TEK: variants seen among roughly 807,000 people sequenced by gnomAD.
TEK encodes angiopoietin-1 receptor.
In TEK, 43 loss-of-function variants were observed where a neutral mutation model predicts 131.8. That is an observed-to-expected ratio of 0.33 (90% CI 0.26 to 0.42). TEK has a LOEUF of 0.42. Among genes scored for constraint, TEK ranks in the 10% least tolerant of loss-of-function variants. The pLI is 1.00. For synonymous variants in TEK, 580 were observed against 491.6 expected (o/e 1.18, Z -2.38); for missense variants, 1,162 against 1,384.4 (o/e 0.84, Z 2.55).
intron 18 of TEK, among the ~76,000 whole-genome samples, chr9:27,215,238 C>G (rs925029932): frequency 6.6e-6 from 1 of 152,128 alleles, no homozygotes; most frequent in African/African-American, 2.4e-5. Context: ...CCTATCAGGT[C>G]TCAACTCTAT....
At chr9:27,131,921 A>T (rs1822242465) in intron 1 of TEK, among the ~76,000 whole-genome samples, 1 of 152,138 alleles carries the variant, frequency 6.6e-6, no homozygotes, top group African/African-American at 2.4e-5. Flanking sequence ...CAAGGGTTAA[A>T]ATGTTCCTTT....
At chr9:27,218,730 G>C in intron 19 of TEK, 47 bp from the exon 20 acceptor site, 1 of 1,610,582 alleles carries the variant, frequency 6.2e-7, no homozygotes, top group Non-Finnish European at 8.5e-7. Context: ...AAAATGAGCG[G>C]TGACTCTGTT....
intron 6 of TEK, 92 bp from the exon 7 acceptor site, chr9:27,180,148 G>A: frequency 6.4e-7 from 1 of 1,572,722 alleles, no homozygotes; most frequent in Admixed American, 1.7e-5. Flanking sequence ...AAAGTTGATG[G>A]CTTAGAGAGA....
chr9:27,170,820 C>T (rs756281187), intron 4 of TEK, among the ~76,000 whole-genome samples: 3 of 152,138 alleles, frequency 2.0e-5, no homozygotes, highest in Non-Finnish European at 4.4e-5. Flanking sequence ...TATTAGATGT[C>T]TATCAGCCTA....
chr9:27,142,756 G>T (rs1255012767), intron 1 of TEK, among the ~76,000 whole-genome samples: 1 of 152,162 alleles, frequency 6.6e-6, no homozygotes, highest in African/African-American at 2.4e-5. Flanking sequence ...TCACTGTTCC[G>T]GATGTTTTAC....
chr9:27,216,784 G>A (rs1825834368), intron 18 of TEK, among the ~76,000 whole-genome samples: 1 of 152,128 alleles, frequency 6.6e-6, no homozygotes, highest in Admixed American at 6.5e-5. Context: ...CTGGAGAGCT[G>A]AGAAAGGTCC....
chr9:27,221,825 T>A (rs953460540), intron 21 of TEK, among the ~76,000 whole-genome samples: 4 of 152,144 alleles, frequency 2.6e-5, no homozygotes, highest in African/African-American at 9.7e-5. Context: ...AAAACCAGAA[T>A]GCCTCTCCTC....
In TEK at chr9:27,205,015, T is replaced by C. The variant is rs774877391; in HGVS notation, c.2314T>C (p.Leu772=). The change falls in exon 14 of 23, where the codon TTG becomes CTG. Residue 772 remains leucine, a synonymous_variant. Transcript: ENST00000380036. The part of the protein sequence containing the change: ...VLLAFLIILQ[L]KRANVQRRMA... ...GTTGGCCTTTCTGATCATATTGCAA[T>C]TGAAGAGGGCAAATGTGCAAAGGAG... 5.6e-6 allele frequency: 9 copies of C among 1,614,054 alleles called. No individual in the cohort carries two copies. The highest frequency in any genetic ancestry group is 1.1e-5 in the South Asian group (1 of 91,084).
chr9:27,165,223 C>T (rs934202186), intron 2 of TEK, among the ~76,000 whole-genome samples: 1 of 152,168 alleles, frequency 6.6e-6, no homozygotes, highest in Non-Finnish European at 1.5e-5. Context: ...CCTTTCAGAA[C>T]ACAATACTGA....
intron 17 of TEK, 71 bp from the exon 18 acceptor site, chr9:27,213,413 C>G: frequency 3.6e-6 from 4 of 1,118,536 alleles, no homozygotes; most frequent in Non-Finnish European, 5.4e-6. Flanking sequence ...GTTTTCTTTC[C>G]TGTTCCCCAA....
chr9:27,166,772 T>C (rs919494398), intron 2 of TEK, among the ~76,000 whole-genome samples: 4 of 152,212 alleles, frequency 2.6e-5, no homozygotes, highest in African/African-American at 9.6e-5. Flanking sequence ...TGTTTTAGAA[T>C]TGAGATTCTA....
intron 1 of TEK, among the ~76,000 whole-genome samples, chr9:27,149,971 T>G (rs1423003636): frequency 6.6e-6 from 1 of 152,184 alleles, no homozygotes; most frequent in Non-Finnish European, 1.5e-5. Flanking sequence ...GAGGCAGCAC[T>G]GCCAGGCTTA....
At chr9:27,219,094 CTTA>C (rs1485446785) in intron 20 of TEK, among the ~76,000 whole-genome samples, 1 of 152,092 alleles carries the variant, frequency 6.6e-6, no homozygotes, top group Non-Finnish European at 1.5e-5. Context: ...TTCTAAAACT[CTTA>C]GATTATGCAG....
rs1825277428 is a variant in TEK, at chr9:27,203,069, C to T, written c.2159C>T (p.Ser720Leu). 1 of 1,613,994 alleles carries T rather than the reference C, an allele frequency of 6.2e-7. No homozygotes were observed. Among genetic ancestry groups the T allele is most frequent in the Non-Finnish European group, 8.5e-7 (1 of 1,180,002 alleles). Residue 720 changes from serine to leucine, a missense_variant, in exon 13 of 23, where the codon TCA becomes TTA. By Grantham distance (145) the Ser-to-Leu change is moderately radical. Around this residue, in one of 6 missense-constraint regions of TEK, gnomAD observed 477 missense variants for 471.0 expected, o/e 1.01. Coordinates refer to ENST00000380036, the MANE Select transcript of TEK (RefSeq NM_000459.5). Reference sequence around the variant, plus strand: ...ATTTTTGCAGAGAACAACATAGGGTCAAGCAACCCAGCCTTTTCTCATGAA... The same window carrying T: ...ATTTTTGCAGAGAACAACATAGGGTTAAGCAACCCAGCCTTTTCTCATGAA... The part of the protein sequence containing the change: ...VDIFAENNIG[S>L]SNPAFSHELV...
chr9:27,178,771 AG>A (rs909364901), intron 6 of TEK, among the ~76,000 whole-genome samples: 2 of 152,212 alleles, frequency 1.3e-5, no homozygotes, highest in African/African-American at 4.8e-5. Context: ...GTGAGCTCCA[AG>A]GGAAAATAAT....
At chr9:27,174,268 G>A (rs1228655562) in intron 6 of TEK, among the ~76,000 whole-genome samples, 1 of 152,142 alleles carries the variant, frequency 6.6e-6, no homozygotes, top group South Asian at 2.1e-4. Context: ...ATCTCACAAA[G>A]TCAGCTTTTC....
intron 2 of TEK, among the ~76,000 whole-genome samples, chr9:27,159,972 GT>G (rs1406977897): frequency 7.8e-6 from 1 of 128,658 alleles, no homozygotes; most frequent in African/African-American, 2.9e-5. Flanking sequence ...CTGAGGACTT[GT>G]CATTACATAA....
Position 27,212,708 on chromosome 9 carries a change from C to A in TEK, c.2688C>A (p.Gly896=). The A allele has an allele frequency of 6.2e-7, 1 of 1,614,126 alleles. No homozygotes were observed. The highest frequency in any genetic ancestry group is 8.5e-7 in the Non-Finnish European group (1 of 1,179,996). ...CGATGCTCTCTTCCTTCCCTCCAGG[C>A]TACTTGTACCTGGCCATTGAGTACG... is the stretch of plus-strand genomic sequence containing the variant. The part of the protein sequence containing the change: ...INLLGACEHR[G]YLYLAIEYAP... The change falls in exon 17 of 23, where the codon GGC becomes GGA. Residue 896 remains glycine, a splice_region_variant and synonymous_variant. Coordinates refer to ENST00000380036, the MANE Select transcript of TEK (RefSeq NM_000459.5).
intron 21 of TEK, among the ~76,000 whole-genome samples, chr9:27,226,038 TTCACACCAGTTAGAATAGCAA>T (rs1299831183): frequency 6.6e-6 from 1 of 152,208 alleles, no homozygotes; most frequent in Non-Finnish European, 1.5e-5. Flanking sequence ...GAGATGCCAT[TTCACACCAGTTAGAATAGCAA>T]TCATTAAAAA....
Sources: gnomAD v4.1 joint callset for allele counts (sites outside exome capture counted in the v4.1 genomes callset) on GRCh38, gnomAD v4.1.1 for gene constraint, gnomAD v4.1.1 regional missense constraint, MANE v1.5 for transcripts, NCBI Gene and HGNC (gene_info 2026-07-23, HGNC 2026-07-21) for gene names.